The following PCDHGA3 variants were observed in gnomAD, a reference collection of about 807,000 sequenced individuals.
PCDHGA3 encodes the protein protocadherin gamma-A3.
A neutral mutation model predicts 58.5 loss-of-function variants in PCDHGA3; 40 were observed. That is an observed-to-expected ratio of 0.68 (90% confidence interval 0.53 to 0.89). PCDHGA3 has a LOEUF of 0.89. Among genes scored for constraint, PCDHGA3 ranks in the 40% least tolerant of loss-of-function variants. The pLI is 0.00. For synonymous variants in PCDHGA3, 530 were observed against 525.7 expected, an observed-to-expected ratio of 1.01 and a Z score of -0.11; for missense variants, 1,223 against 1,195.9, an observed-to-expected ratio of 1.02 and a Z score of -0.33.
chr5:141,381,826 C>CTTCTTT (rs1777532522), intron 1 of PCDHGA3, among the ~76,000 whole-genome samples: 105 of 74,288 alleles, frequency 1.4e-3, no homozygotes, highest in Non-Finnish European at 1.6e-3. Flanking sequence ...CTTTCTTCTT[C>CTTCTTT]TTTTTTTTTT....
intron 1 of PCDHGA3, chr5:141,376,715 T>C: frequency 1.6e-6 from 1 of 622,970 alleles, no homozygotes; most frequent in Non-Finnish European, 2.6e-6. Flanking sequence ...AGTCTCGCTC[T>C]GTCGCCCAGG....
chr5:141,388,480 C>T (rs751470350), intron 1 of PCDHGA3: 3 of 1,613,758 alleles, frequency 1.9e-6, no homozygotes, highest in Non-Finnish European at 2.5e-6. Flanking sequence ...TTGAAGACAC[C>T]TTTGGACAGA....
intron 2 of PCDHGA3, among the ~76,000 whole-genome samples, chr5:141,495,250 A>G (rs557893500): frequency 6.6e-6 from 1 of 152,188 alleles, no homozygotes; most frequent in Non-Finnish European, 1.5e-5. Context: ...CCTGGGGCTC[A>G]GGCAGAAAAG....
At chr5:141,394,754 G>T (rs753264235) in intron 1 of PCDHGA3, 2 of 1,613,428 alleles carry the variant, frequency 1.2e-6, no homozygotes, top group Non-Finnish European at 1.7e-6. Context: ...TGGCCGTCCA[G>T]GACCATGGCC....
chr5:141,439,830 C>T (rs2098134193), intron 1 of PCDHGA3: 1 of 152,352 alleles, frequency 6.6e-6, no homozygotes, highest in South Asian at 2.1e-4. Context: ...GCTGGAGCAG[C>T]AGCAACTCTA....
intron 1 of PCDHGA3, chr5:141,416,902 C>T (rs1364019748): frequency 1.3e-5 from 2 of 152,020 alleles, no homozygotes; most frequent in Non-Finnish European, 2.9e-5. Flanking sequence ...GGAAGGAAAG[C>T]ACACTCTTTA....
chr5:141,376,780 G>A (rs1466188950), intron 1 of PCDHGA3: 2 of 383,610 alleles, frequency 5.2e-6, no homozygotes, highest in African/African-American at 2.2e-5. Flanking sequence ...TCCGCTTCCC[G>A]GGTTCACGCC....
At chr5:141,374,300 C>A (rs746754972) in intron 1 of PCDHGA3, 38 of 1,613,830 alleles carry the variant, frequency 2.4e-5, no homozygotes, top group Non-Finnish European at 3.1e-5. Flanking sequence ...AGGTAGGATG[C>A]AGCTTTTCTC....
At chr5:141,443,467 C>T (rs2098389901) in intron 1 of PCDHGA3, among the ~76,000 whole-genome samples, 2 of 152,156 alleles carry the variant, frequency 1.3e-5, no homozygotes, top group African/African-American at 4.8e-5. Context: ...GTCTGGGTGA[C>T]AGAATTAGAC....
chr5:141,373,575 A>C (rs1769694796), intron 1 of PCDHGA3, among the ~76,000 whole-genome samples: 1 of 152,236 alleles, frequency 6.6e-6, no homozygotes, highest in African/African-American at 2.4e-5. Flanking sequence ...GACTAGCATA[A>C]ATGGTGGTGA....
Position 141,477,918 on chromosome 5 carries a change from G to A in PCDHGA3, c.2425-16889G>A. 1 of 1,614,154 alleles carries A rather than the reference G, an allele frequency of 6.2e-7. No individual in the cohort carries two copies. Among genetic ancestry groups the A allele is most frequent in the Admixed American group, 1.7e-5 (1 of 60,026 alleles). ...GTGGTAGGCTGGGACGCGGATGCAG[G>A]GCACAATGCCTGGCTCTCCTACAGT... is the stretch of plus-strand genomic sequence containing the variant. On this transcript the variant is annotated intron_variant, in intron 1 of 3. Coordinates refer to ENST00000253812, the MANE Select transcript of PCDHGA3 (RefSeq NM_018916.4). The surrounding 1 kb of genome is among the most constrained non-coding windows in gnomAD (Gnocchi z 4.9).
At chr5:141,407,980 C>T in intron 1 of PCDHGA3, 1 of 760,358 alleles carries the variant, frequency 1.3e-6, no homozygotes, top group Non-Finnish European at 2.0e-6. Context: ...CGCCGGGGAT[C>T]CGTCAGCCTC....
intron 1 of PCDHGA3, chr5:141,393,333 C>G: frequency 6.3e-7 from 1 of 1,582,250 alleles, no homozygotes; most frequent in Non-Finnish European, 8.6e-7. Context: ...CCAGCTCAGC[C>G]CCAATCACCA....
intron 1 of PCDHGA3, among the ~76,000 whole-genome samples, chr5:141,483,755 G>A (rs2099586573): frequency 6.6e-6 from 1 of 152,130 alleles, no homozygotes. Flanking sequence ...TGAGGATCGA[G>A]GCTTGGAAAA....
intron 1 of PCDHGA3, among the ~76,000 whole-genome samples, chr5:141,358,475 A>T (rs1760927848): frequency 6.6e-6 from 1 of 152,214 alleles, no homozygotes; most frequent in Admixed American, 6.5e-5. Flanking sequence ...TTGTGAGTTT[A>T]ACTTTTAGAT....
At chr5:141,506,805 G>A (rs1314432893) in intron 3 of PCDHGA3, among the ~76,000 whole-genome samples, 1 of 152,172 alleles carries the variant, frequency 6.6e-6, no homozygotes, top group African/African-American at 2.4e-5. Flanking sequence ...GAGGATCAAG[G>A]CATTGCCCTA....
At chr5:141,500,499 G>A (rs531501031) in intron 2 of PCDHGA3, among the ~76,000 whole-genome samples, 11 of 151,970 alleles carry the variant, frequency 7.2e-5, no homozygotes, top group African/African-American at 2.7e-4. Context: ...GTGAGCCACC[G>A]CGCCTGGCCG....
At chr5:141,412,987 A>T (rs192699644) in intron 1 of PCDHGA3, 1 of 564,522 alleles carries the variant, frequency 1.8e-6, no homozygotes, top group African/African-American at 1.9e-5. Flanking sequence ...GCCAGAGCTC[A>T]ATCCGGATTC....
rs1193465269 is a variant in PCDHGA3 at position 141,467,055 on chromosome 5, C to CT, written c.2425-27736dup. Among the ~76,000 whole-genome samples, 814 of 134,448 alleles carry CT rather than the reference C, an allele frequency of 6.1e-3. 10 individuals carry two copies. Among genetic ancestry groups the CT allele is most frequent in the African/African-American group, 0.018 (656 of 36,920 alleles). The allele number at this position is 134,448 out of a possible 152,430, so 88.2% of individuals were successfully genotyped here. A position where few individuals can be genotyped will look rare whatever the true frequency, so the allele number is the denominator to read the frequency against. Reference sequence around the variant, plus strand: ...TTTTTGTGTAATGAATCAATGTTTTCTTTTTTTTTTTTTTTTAGACCAAGT... The same window carrying CT: ...TTTTTGTGTAATGAATCAATGTTTTCTTTTTTTTTTTTTTTTTAGACCAAGT... On this transcript the variant is annotated intron_variant, in intron 1 of 3. Coordinates refer to ENST00000253812, the MANE Select transcript of PCDHGA3 (RefSeq NM_018916.4).
Sources: allele counts gnomAD v4.1 joint callset (sites outside exome capture counted in the v4.1 genomes callset), GRCh38; gene constraint gnomAD v4.1.1; non-coding constraint Gnocchi (gnomAD v3.1); transcripts MANE v1.5; gene names NCBI Gene and HGNC (gene_info 2026-07-23, HGNC 2026-07-21).